DGKH: variants seen among roughly 807,000 people sequenced by gnomAD.
The protein encoded by DGKH is diacylglycerol kinase eta.
In DGKH, 90 loss-of-function variants were observed where a neutral mutation model predicts 159.3. The ratio of observed to expected loss-of-function variants is 0.57; its 90% CI spans 0.48 to 0.67. DGKH has a LOEUF of 0.67. Among genes scored for constraint, DGKH ranks in the 30% least tolerant of loss-of-function variants. The pLI is 0.00. For synonymous variants in DGKH, 536 were observed against 553.8 expected, an observed-to-expected ratio of 0.97 and a Z score of 0.45; for missense variants, 1,181 against 1,506.1, an observed-to-expected ratio of 0.78 and a Z score of 3.57.
intron 7 of DGKH, among the ~76,000 whole-genome samples, chr13:42,160,758 T>C (rs9525584): frequency 0.45 from 69,116 of 152,072 alleles, 16,500 homozygotes; most frequent in African/African-American, 0.58. Context: ...TGCCTTGCAC[T>C]GGGGCTGACT....
intron 1 of DGKH, chr13:42,069,763 C>G: frequency 2.7e-6 from 3 of 1,120,802 alleles, no homozygotes; most frequent in Non-Finnish European, 3.9e-6. Context: ...TTTGTAATTA[C>G]AAGTATGGCT....
chr13:42,083,845 A>G (rs1193370810), intron 1 of DGKH, among the ~76,000 whole-genome samples: 1 of 152,224 alleles, frequency 6.6e-6, no homozygotes, highest in Non-Finnish European at 1.5e-5. Flanking sequence ...CTGGAAACCA[A>G]CGATATTTTC....
At chr13:42,050,656 A>G (rs1365905206) in intron 1 of DGKH, among the ~76,000 whole-genome samples, 1 of 152,026 alleles carries the variant, frequency 6.6e-6, no homozygotes, top group Non-Finnish European at 1.5e-5. Context: ...AAAAGTTCAT[A>G]AACTGTGTTA....
Position 42,168,826 on chromosome 13 carries a change from T to G in DGKH, c.1367+8T>G. The G allele has an allele frequency of 6.2e-7, 1 of 1,605,552 alleles. No homozygotes were observed. The highest frequency in any genetic ancestry group is 8.5e-7 in the Non-Finnish European group (1 of 1,175,252). The stretch of plus-strand genomic sequence containing the variant: ...TACCAAAATGTTGGACAGGTAAAAG[T>G]AAATTCTTTTCTACAACTAGATGGA... On this transcript the variant is annotated splice_region_variant and intron_variant, in intron 11 of 29. Coordinates refer to ENST00000337343, the MANE Select transcript of DGKH (RefSeq NM_178009.5).
intron 12 of DGKH, among the ~76,000 whole-genome samples, chr13:42,177,645 T>A (rs1323031907): frequency 2.0e-5 from 3 of 152,226 alleles, no homozygotes; most frequent in Admixed American, 6.5e-5. Flanking sequence ...TCCATAGCCT[T>A]GCTAGCACTT....
intron 1 of DGKH, among the ~76,000 whole-genome samples, chr13:42,111,434 G>T (rs1306856895): frequency 6.6e-6 from 1 of 152,128 alleles, no homozygotes; most frequent in Non-Finnish European, 1.5e-5. Context: ...ACAAAAATTA[G>T]CCGGGCGTGG....
chr13:42,071,408 A>G (rs532841067), intron 1 of DGKH, among the ~76,000 whole-genome samples: 2 of 152,358 alleles, frequency 1.3e-5, no homozygotes, highest in South Asian at 2.1e-4. Context: ...ATGAAATGAC[A>G]TACTATGCAC....
At chr13:42,089,803 ATAAAG>A (rs909881504) in intron 1 of DGKH, among the ~76,000 whole-genome samples, 4 of 152,214 alleles carry the variant, frequency 2.6e-5, no homozygotes, top group Admixed American at 1.3e-4. Context: ...CCTTTGCCAC[ATAAAG>A]TAAAGTATGC....
In DGKH at chr13:42,234,398, T is replaced by C. The variant is rs934631531; in HGVS notation, c.*5210T>C. On this transcript the variant is annotated 3_prime_UTR_variant, in exon 30 of 30. Coordinates refer to ENST00000337343, the MANE Select transcript of DGKH (RefSeq NM_178009.5). ...AGCACTTCTAAAGTAAAACATCTTC[T>C]ATCTCCAACTGGGCTGTCAACATAG... is the stretch of plus-strand genomic sequence containing the variant. 4.6e-5 allele frequency: 7 copies of C among 152,214 alleles called. No individual in the cohort carries two copies. The highest frequency in any genetic ancestry group is 1.4e-4 in the African/African-American group (6 of 41,458). 9.4% of individuals were successfully genotyped at this position (152,214 alleles called of 1,614,324 possible). A position where few individuals can be genotyped will look rare whatever the true frequency, so the allele number is the denominator to read the frequency against.
At chr13:42,080,042 G>A (rs1051091048) in intron 1 of DGKH, among the ~76,000 whole-genome samples, 5 of 152,016 alleles carry the variant, frequency 3.3e-5, no homozygotes, top group East Asian at 1.9e-4. Flanking sequence ...ATTTTCTCAC[G>A]TTGCTTTTTC....
intron 30 of DGKH, among the ~76,000 whole-genome samples, chr13:42,254,169 C>T (rs1958640828): frequency 6.6e-6 from 1 of 151,966 alleles, no homozygotes; most frequent in Non-Finnish European, 1.5e-5. Context: ...AGAATCTATC[C>T]CTTGAAAATA....
chr13:42,250,828 A>G (rs1486015734), intron 29 of DGKH, among the ~76,000 whole-genome samples: 1 of 152,230 alleles, frequency 6.6e-6, no homozygotes, highest in Non-Finnish European at 1.5e-5. Flanking sequence ...GCATGATAAC[A>G]AATTTTCAAC....
intron 13 of DGKH, among the ~76,000 whole-genome samples, chr13:42,186,841 C>T (rs570167648): frequency 6.6e-6 from 1 of 152,248 alleles, no homozygotes; most frequent in South Asian, 2.1e-4. Context: ...TAATATACAG[C>T]AAGGCTTATT....
chr13:42,181,010 C>CTCACGCTTG (rs1956739070), intron 13 of DGKH, among the ~76,000 whole-genome samples: 2 of 152,068 alleles, frequency 1.3e-5, no homozygotes, highest in Non-Finnish European at 2.9e-5. Context: ...GGCGCGGTGG[C>CTCACGCTTG]TCACGCTTGT....
chr13:42,216,804 C>T (rs1030393596), intron 26 of DGKH: 1 of 152,136 alleles, frequency 6.6e-6, no homozygotes, highest in Non-Finnish European at 1.5e-5. Context: ...CCAGTGGAGC[C>T]CCTTCTTGGC....
At chr13:42,133,085 C>T (rs573845989) in intron 3 of DGKH, among the ~76,000 whole-genome samples, 4 of 151,636 alleles carry the variant, frequency 2.6e-5, no homozygotes, top group South Asian at 4.2e-4. Flanking sequence ...GCAGGAGAAT[C>T]GCTTGAACCC....
At chr13:42,045,781 T>A (rs1288086803), upstream of DGKH, among the ~76,000 whole-genome samples, 1 of 152,246 alleles carries the variant, frequency 6.6e-6, no homozygotes, top group African/African-American at 2.4e-5. Flanking sequence ...TGCGTATTTA[T>A]GGCGTAATAT....
chr13:42,193,963 TTTC>T (rs1367008067), intron 16 of DGKH, among the ~76,000 whole-genome samples: 2 of 152,238 alleles, frequency 1.3e-5, no homozygotes, highest in African/African-American at 4.8e-5. Flanking sequence ...GAGTTAAATC[TTTC>T]TTCTTCTTGT....
intron 1 of DGKH, among the ~76,000 whole-genome samples, chr13:42,054,689 G>A (rs77832341): frequency 1.4e-3 from 215 of 152,254 alleles, no homozygotes; most frequent in Non-Finnish European, 2.8e-3. Context: ...GGTGACTGTA[G>A]TAATAATAAA....
Sources: allele counts gnomAD v4.1 joint callset (sites outside exome capture counted in the v4.1 genomes callset), GRCh38; gene constraint gnomAD v4.1.1; transcripts MANE v1.5; gene names NCBI Gene and HGNC (gene_info 2026-07-23, HGNC 2026-07-21).